Variants in NELL1 observed in about 807,000 individuals in gnomAD.
NELL1 encodes protein kinase C-binding protein NELL1.
Under a neutral mutation model 107.4 loss-of-function variants are expected in NELL1, and 76 were observed. That is an observed-to-expected ratio of 0.71 (90% confidence interval 0.59 to 0.86). NELL1 has a LOEUF of 0.86. NELL1 is among the 40% of genes least tolerant of loss of function. The pLI, the probability that NELL1 is intolerant of heterozygous loss-of-function variation, is 0.00. For synonymous variants in NELL1, 353 were observed against 341.2 expected, an observed-to-expected ratio of 1.03 and a Z score of -0.38; for missense variants, 1,024 against 1,005.5, an observed-to-expected ratio of 1.02 and a Z score of -0.25.
intron 16 of NELL1, among the ~76,000 whole-genome samples, chr11:21,549,980 T>C (rs1022290212): frequency 2.6e-5 from 4 of 151,762 alleles, no homozygotes; most frequent in African/African-American, 4.8e-5. Flanking sequence ...TACAAAAAGC[T>C]GAAAGGGTAG....
intron 17 of NELL1, among the ~76,000 whole-genome samples, chr11:21,563,149 T>C (rs1856890225): frequency 6.6e-6 from 1 of 152,096 alleles, no homozygotes; most frequent in Non-Finnish European, 1.5e-5. Context: ...GTTGTCTCTC[T>C]GGGATTGATC....
chr11:21,428,049 A>G (rs1852873750), intron 15 of NELL1, among the ~76,000 whole-genome samples: 1 of 152,216 alleles, frequency 6.6e-6, no homozygotes, highest in Non-Finnish European at 1.5e-5. Flanking sequence ...GTTTGTGCCT[A>G]TGATCAAAGA....
chr11:21,128,461 A>G (rs1002004973), intron 13 of NELL1, among the ~76,000 whole-genome samples: 2 of 152,162 alleles, frequency 1.3e-5, no homozygotes, highest in Non-Finnish European at 2.9e-5. Flanking sequence ...AGAGACATAT[A>G]AGGCATCAGA....
chr11:21,232,249 G>T (rs1364204960), intron 14 of NELL1, among the ~76,000 whole-genome samples: 1 of 147,368 alleles, frequency 6.8e-6, no homozygotes, highest in Non-Finnish European at 1.5e-5. Context: ...CGAATTGCTC[G>T]AACCTGGGAG....
chr11:21,006,135 G>T (rs984153416), intron 12 of NELL1, among the ~76,000 whole-genome samples: 4 of 152,060 alleles, frequency 2.6e-5, no homozygotes, highest in African/African-American at 9.7e-5. Context: ...GTGTGGGTCT[G>T]CTATGATTTG....
chr11:20,999,980 T>A (rs1490362513), intron 12 of NELL1, among the ~76,000 whole-genome samples: 1 of 152,114 alleles, frequency 6.6e-6, no homozygotes, highest in Non-Finnish European at 1.5e-5. Context: ...GAAGGTTGTG[T>A]GTGTGTGTGT....
intron 12 of NELL1, among the ~76,000 whole-genome samples, chr11:21,102,222 T>C (rs1267281117): frequency 6.6e-6 from 1 of 152,224 alleles, no homozygotes; most frequent in Non-Finnish European, 1.5e-5. Context: ...TAAACATTTT[T>C]ACCTTATCCC....
chr11:21,557,255 CTG>C (rs1312874094), intron 16 of NELL1, among the ~76,000 whole-genome samples: 1 of 151,940 alleles, frequency 6.6e-6, no homozygotes, highest in African/African-American at 2.4e-5. Context: ...CTATATTCAA[CTG>C]TGAAATCTTT....
chr11:20,669,871 T>A lies in NELL1; in HGVS notation c.55+93T>A. On this transcript the variant is annotated intron_variant, in intron 1 of 19. Transcript: ENST00000357134. This position sits in a 1 kb window ranked among gnomAD's most constrained non-coding sequence, Gnocchi z 4.4. ...GGAGACCTGGAGCCGAGCTTTGCGC[T>A]GGTCTGGGGAACGGCGGTAGCGTGG... 1 of 1,054,318 alleles carries A rather than the reference T, an allele frequency of 9.5e-7. No homozygotes were observed. The highest frequency in any genetic ancestry group is 1.5e-6 in the Non-Finnish European group (1 of 675,238). The allele number at this position is 1,054,318 out of a possible 1,614,324, so 65.3% of individuals were successfully genotyped here.
At chr11:21,517,633 A>G (rs1855600194) in intron 15 of NELL1, among the ~76,000 whole-genome samples, 1 of 152,166 alleles carries the variant, frequency 6.6e-6, no homozygotes, top group South Asian at 2.1e-4. Flanking sequence ...TGGGATTTAG[A>G]CGTTCTTAGT....
chr11:21,180,833 G>T (rs1456715826), intron 13 of NELL1, among the ~76,000 whole-genome samples: 4 of 151,058 alleles, frequency 2.6e-5, no homozygotes, highest in Non-Finnish European at 5.9e-5. Context: ...CTCTTTTAAA[G>T]AAATCTTTCT....
chr11:20,893,866 A>AAAG (rs1564954153), intron 5 of NELL1, among the ~76,000 whole-genome samples: 1 of 151,188 alleles, frequency 6.6e-6, no homozygotes, highest in Non-Finnish European at 1.5e-5. Context: ...AAAAAAAAAA[A>AAAG]AAAAAGAAAA....
At chr11:21,190,758 A>G (rs944883620) in intron 13 of NELL1, among the ~76,000 whole-genome samples, 2 of 151,900 alleles carry the variant, frequency 1.3e-5, no homozygotes, top group Non-Finnish European at 2.9e-5. Flanking sequence ...CTCACTTGAT[A>G]TTGCAAAAAG....
chr11:21,378,858 C>T (rs947668313), intron 15 of NELL1, among the ~76,000 whole-genome samples: 2 of 151,630 alleles, frequency 1.3e-5, no homozygotes, highest in African/African-American at 4.8e-5. Flanking sequence ...GCTGGGATTA[C>T]AGATGTTCTC....
chr11:21,258,988 AG>A (rs1461670857), intron 14 of NELL1, among the ~76,000 whole-genome samples: 7 of 151,932 alleles, frequency 4.6e-5, no homozygotes, highest in Non-Finnish European at 1.5e-5. Flanking sequence ...AATGTAGGCC[AG>A]TAGTCAGACC....
chr11:20,934,658 A>G (rs1365968832), intron 9 of NELL1, among the ~76,000 whole-genome samples: 2 of 152,256 alleles, frequency 1.3e-5, no homozygotes, highest in African/African-American at 4.8e-5. Context: ...GCCAAGAAGC[A>G]GATGGCAGAT....
chr11:20,804,032 C>A lies in NELL1; in HGVS notation c.335+20202C>A, dbSNP rs557197897. Among the ~76,000 whole-genome samples, 7 of 149,490 alleles carry A rather than the reference C, an allele frequency of 4.7e-5. No homozygotes were observed. The East Asian group carries it at 1.2e-3, about 26-fold the overall frequency. On this transcript the variant is annotated intron_variant, in intron 3 of 19. Coordinates refer to ENST00000357134, the MANE Select transcript of NELL1 (RefSeq NM_006157.5). The stretch of plus-strand genomic sequence containing the variant: ...AGCCTGCAGACAGCCTATTGTGATA[C>A]CTGATGATTGTGTGAGTTAATATTT...
intron 13 of NELL1, among the ~76,000 whole-genome samples, chr11:21,183,425 T>C (rs1469257547): frequency 2.0e-5 from 3 of 151,958 alleles, no homozygotes; most frequent in Non-Finnish European, 4.4e-5. Context: ...GCTGAACAAA[T>C]AAAGCTTGCG....
chr11:20,705,102 G>C (rs1406145993), intron 2 of NELL1, among the ~76,000 whole-genome samples: 5 of 152,132 alleles, frequency 3.3e-5, no homozygotes, highest in African/African-American at 1.2e-4. Context: ...GTGATTTACA[G>C]ATTGAATGAC....
Sources: gnomAD v4.1 joint callset for allele counts (sites outside exome capture counted in the v4.1 genomes callset) on GRCh38, gnomAD v4.1.1 for gene constraint, Gnocchi (gnomAD v3.1) non-coding constraint, MANE v1.5 for transcripts, NCBI Gene and HGNC (gene_info 2026-07-23, HGNC 2026-07-21) for gene names.